The following MYO16 variants were observed in gnomAD, a reference collection of about 807,000 sequenced individuals.
MYO16 encodes myosin XVI.
MYO16 carries 94 observed loss-of-function variants against 205.3 expected under a neutral mutation model. The observed-to-expected ratio is 0.46, with a 90% CI of 0.39 to 0.54. The LOEUF is 0.54. Ranked by LOEUF, MYO16 falls within the 20% of genes least tolerant of loss-of-function variation. The pLI is 0.00. For missense variants in MYO16, 2,315 were observed against 2,387.5 expected, an observed-to-expected ratio of 0.97 and a Z score of 0.63; for synonymous variants, 988 against 954.0, an observed-to-expected ratio of 1.04 and a Z score of -0.66.
At chr13:108,860,669 G>T (rs928450213) in intron 11 of MYO16, among the ~76,000 whole-genome samples, 4 of 152,110 alleles carry the variant, frequency 2.6e-5, no homozygotes, top group Admixed American at 6.5e-5. Flanking sequence ...TTCTTGGACA[G>T]AGCTGATAAA....
chr13:109,065,309 A>G (rs1184613297), intron 27 of MYO16, among the ~76,000 whole-genome samples: 3 of 152,194 alleles, frequency 2.0e-5, no homozygotes, highest in African/African-American at 7.2e-5. Flanking sequence ...ATCCATGTAT[A>G]GCCCCAATTT....
chr13:108,530,802 T>C, the MYO16 span, among the ~76,000 whole-genome samples: 4 of 152,230 alleles, frequency 2.6e-5, no homozygotes, highest in African/African-American at 9.6e-5. Context: ...ATATTTCCTA[T>C]TTGGGATAAT....
intron 2 of MYO16, among the ~76,000 whole-genome samples, chr13:108,670,076 A>G (rs1881920398): frequency 6.6e-6 from 1 of 152,228 alleles, no homozygotes; most frequent in Admixed American, 6.5e-5. Flanking sequence ...TGTATCCCAG[A>G]ACTTGAAGTA....
chr13:108,966,644 T>G (rs1228166727), intron 20 of MYO16, among the ~76,000 whole-genome samples: 1 of 152,164 alleles, frequency 6.6e-6, no homozygotes, highest in African/African-American at 2.4e-5. Flanking sequence ...TAGAGGTGAA[T>G]CAACACATTA....
intron 10 of MYO16, 93 bp downstream of exon 10, chr13:108,844,586 A>G: frequency 7.8e-7 from 1 of 1,284,128 alleles, no homozygotes; most frequent in Non-Finnish European, 1.0e-6. Flanking sequence ...AATGCGCACT[A>G]ATTTGCATTC....
At chr13:108,571,769 A>C in the MYO16 span, among the ~76,000 whole-genome samples, 1 of 143,718 alleles carries the variant, frequency 7.0e-6, no homozygotes, top group South Asian at 2.2e-4. Context: ...GGGCTTTTCT[A>C]TATTTGAAAA....
chr13:108,829,328 C>G, intron 9 of MYO16, among the ~76,000 whole-genome samples: 1 of 152,088 alleles, frequency 6.6e-6, no homozygotes, highest in East Asian at 1.9e-4. Flanking sequence ...AAGAAATGAC[C>G]AGAAAAAGAT....
chr13:108,643,808 C>A (rs1458746267), intron 1 of MYO16, among the ~76,000 whole-genome samples: 1 of 152,140 alleles, frequency 6.6e-6, no homozygotes, highest in Non-Finnish European at 1.5e-5. Flanking sequence ...GTTTTATTTG[C>A]CTCAGGTAAA....
At chr13:109,013,102 T>C (rs1356053959) in intron 22 of MYO16, among the ~76,000 whole-genome samples, 72 of 20,990 alleles carry the variant, frequency 3.4e-3, no homozygotes, top group Non-Finnish European at 8.6e-3. Context: ...CTCCTAATGC[T>C]ACCCCTCCCC....
intron 1 of MYO16, among the ~76,000 whole-genome samples, chr13:108,605,368 A>G (rs1273948795): frequency 6.6e-6 from 1 of 152,278 alleles, no homozygotes; most frequent in South Asian, 2.1e-4. Flanking sequence ...AGTATCCTGC[A>G]ATGTTGCAGG....
chr13:108,997,205 C>T lies in MYO16; in HGVS notation c.2442+4757C>T, dbSNP rs543216393. 2.6e-5 allele frequency among the ~76,000 whole-genome samples: 4 copies of T among 151,748 alleles called. No individual in the cohort carries two copies. In the South Asian group the frequency reaches 6.3e-4, roughly 24 times the overall value. On this transcript the variant is annotated intron_variant, in intron 21 of 34. Coordinates refer to ENST00000457511, the MANE Select transcript of MYO16 (RefSeq NM_001198950.3). ...ACTCAGGAGAATGAGACATGAATAT[C>T]GTTTAAACCTGGGAGGTTGAGGCTG... is the stretch of plus-strand genomic sequence containing the variant.
chr13:109,179,275 C>A (rs572471987), intron 33 of MYO16, among the ~76,000 whole-genome samples: 1 of 152,326 alleles, frequency 6.6e-6, no homozygotes, highest in South Asian at 2.1e-4. Context: ...CAATACTTAT[C>A]TGCTCACTTT....
upstream of MYO16, among the ~76,000 whole-genome samples, chr13:108,626,765 A>C (rs535416556): frequency 6.6e-6 from 1 of 151,744 alleles, no homozygotes; most frequent in African/African-American, 2.4e-5. Context: ...AGATCGCGCC[A>C]TTGCACTGCA....
chr13:109,003,568 G>A (rs797009134), intron 21 of MYO16, among the ~76,000 whole-genome samples: 9 of 152,274 alleles, frequency 5.9e-5, no homozygotes, highest in African/African-American at 2.2e-4. Flanking sequence ...TGCTTTAGAC[G>A]TTTGTGGAAA....
the MYO16 span, among the ~76,000 whole-genome samples, chr13:108,576,033 C>A: frequency 6.6e-6 from 1 of 152,018 alleles, no homozygotes; most frequent in Non-Finnish European, 1.5e-5. Flanking sequence ...GATTGTCAAG[C>A]GCTCAGGGCT....
intron 2 of MYO16, among the ~76,000 whole-genome samples, chr13:108,669,367 T>C (rs1355307046): frequency 2.0e-5 from 3 of 152,082 alleles, no homozygotes; most frequent in Non-Finnish European, 4.4e-5. Context: ...AGAATTTTAA[T>C]GGATTAGGTT....
intron 31 of MYO16, among the ~76,000 whole-genome samples, chr13:109,131,836 T>C (rs1486494590): frequency 6.6e-6 from 1 of 152,192 alleles, no homozygotes; most frequent in Non-Finnish European, 1.5e-5. Flanking sequence ...CCAAAGACGG[T>C]TAACATTCTC....
chr13:108,811,317 T>C (rs893248289), intron 7 of MYO16, among the ~76,000 whole-genome samples: 1 of 152,280 alleles, frequency 6.6e-6, no homozygotes, highest in East Asian at 1.9e-4. Flanking sequence ...AACAGTCTGG[T>C]TATGCCCCTA....
intron 1 of MYO16, among the ~76,000 whole-genome samples, chr13:108,652,154 T>TGC (rs137904962): frequency 0.17 from 26,418 of 151,008 alleles, 2,727 homozygotes; most frequent in Non-Finnish European, 0.24. Flanking sequence ...TGTGTGTGTG[T>TGC]GCGCGCGCGC....
Sources: allele counts gnomAD v4.1 joint callset (sites outside exome capture counted in the v4.1 genomes callset), GRCh38; gene constraint gnomAD v4.1.1; transcripts MANE v1.5; gene names NCBI Gene and HGNC (gene_info 2026-07-23, HGNC 2026-07-21).